The following ROR1 variants were observed in gnomAD, a reference collection of about 807,000 sequenced individuals.
ROR1 encodes the protein ROR family WNT receptor 1.
In ROR1, 19 loss-of-function variants were observed where a neutral mutation model predicts 78.8. The ratio of observed to expected loss-of-function variants is 0.24; its 90% CI spans 0.17 to 0.35. The LOEUF is 0.35. Among genes scored for constraint, ROR1 ranks in the 10% least tolerant of loss-of-function variants. The pLI is 1.00. For synonymous variants in ROR1, 386 were observed against 433.6 expected, an observed-to-expected ratio of 0.89 and a Z score of 1.36; for missense variants, 917 against 1,177.8, an observed-to-expected ratio of 0.78 and a Z score of 3.24.
At chr1:64,152,554 T>A (rs1244077842) in intron 7 of ROR1, among the ~76,000 whole-genome samples, 1 of 152,232 alleles carries the variant, frequency 6.6e-6, no homozygotes, top group Non-Finnish European at 1.5e-5. Context: ...TTATTAGTAA[T>A]CTTTTGTTTG....
chr1:64,057,184 T>G (rs1646881769), intron 4 of ROR1, among the ~76,000 whole-genome samples: 1 of 152,190 alleles, frequency 6.6e-6, no homozygotes. Context: ...TTGTATACAG[T>G]GTGTGAGGTG....
At chr1:63,874,309 CT>C (rs922266244) in intron 1 of ROR1, among the ~76,000 whole-genome samples, 4 of 152,068 alleles carry the variant, frequency 2.6e-5, no homozygotes, top group Admixed American at 2.0e-4. Flanking sequence ...CCATTTAAGA[CT>C]TTTTTTTCCT....
At chr1:63,807,921 C>T (rs768747211) in intron 1 of ROR1, among the ~76,000 whole-genome samples, 9 of 152,124 alleles carry the variant, frequency 5.9e-5, no homozygotes, top group Non-Finnish European at 8.8e-5. Flanking sequence ...GTCTCTCCAA[C>T]ACTGTACCTG....
chr1:64,009,321 C>T lies in ROR1; in HGVS notation c.108C>T (p.Val36=). Residue 36 remains valine, a synonymous_variant, in exon 2 of 9, where the codon GTC becomes GTT. Coordinates refer to ENST00000371079, the MANE Select transcript of ROR1 (RefSeq NM_005012.4). ...TCTTTTCAGAAACAGAGCTGTCAGT[C>T]AGTGCTGAATTAGTGCCTACCTCAT... The part of the protein sequence containing the change: ...GAAAQETELS[V]SAELVPTSSW... 6.2e-7 allele frequency: 1 copy of T among 1,613,230 alleles called. No individual in the cohort carries two copies. Among genetic ancestry groups the T allele is most frequent in the Non-Finnish European group, 8.5e-7 (1 of 1,179,270 alleles).
chr1:64,167,602 C>T (rs952859511), intron 8 of ROR1, among the ~76,000 whole-genome samples: 4 of 152,160 alleles, frequency 2.6e-5, no homozygotes, highest in African/African-American at 9.7e-5. Context: ...TTTCATAATT[C>T]TAACACTGTT....
chr1:64,111,339 C>G (rs892677715), intron 4 of ROR1: 13 of 152,144 alleles, frequency 8.5e-5, no homozygotes, highest in Non-Finnish European at 2.9e-5. Flanking sequence ...TGTGTCTCAG[C>G]CCCCTGCTCC....
At chr1:63,841,549 A>G (rs1645049429) in intron 1 of ROR1, among the ~76,000 whole-genome samples, 1 of 152,218 alleles carries the variant, frequency 6.6e-6, no homozygotes, top group Non-Finnish European at 1.5e-5. Context: ...AAGAGTTTGT[A>G]ATTATTTGTG....
At chr1:64,068,663 C>A (rs148624972) in intron 4 of ROR1, among the ~76,000 whole-genome samples, 13 of 152,218 alleles carry the variant, frequency 8.5e-5, no homozygotes, top group African/African-American at 3.1e-4. Context: ...ATAAGGGAAC[C>A]ATCAGTATTG....
intron 1 of ROR1, among the ~76,000 whole-genome samples, chr1:63,940,100 C>T (rs1645824357): frequency 6.6e-6 from 1 of 152,108 alleles, no homozygotes; most frequent in African/African-American, 2.4e-5. Flanking sequence ...TGTAGTGACT[C>T]ATGAGCCACA....
At chr1:63,929,423 TTC>T (rs143762265) in intron 1 of ROR1, among the ~76,000 whole-genome samples, 33 of 149,618 alleles carry the variant, frequency 2.2e-4, no homozygotes, top group Admixed American at 6.0e-4. Flanking sequence ...AGAGTTTCAG[TTC>T]TCTCTCTCTC....
intron 2 of ROR1, among the ~76,000 whole-genome samples, chr1:64,030,207 G>T (rs1646649426): frequency 6.6e-6 from 1 of 152,136 alleles, no homozygotes. Flanking sequence ...GGAGGCAATT[G>T]GGTGGGTGTA....
intron 1 of ROR1, among the ~76,000 whole-genome samples, chr1:63,882,921 A>G (rs1478225324): frequency 6.7e-6 from 1 of 148,966 alleles, no homozygotes; most frequent in Non-Finnish European, 1.5e-5. Context: ...CCAGAAAGAG[A>G]AAATTAAGGA....
chr1:63,813,011 A>G (rs761964241), intron 1 of ROR1, among the ~76,000 whole-genome samples: 1 of 152,152 alleles, frequency 6.6e-6, no homozygotes, highest in Non-Finnish European at 1.5e-5. Flanking sequence ...TTTTTTAAAT[A>G]AAAGAGACAG....
chr1:63,824,362 A>G lies in ROR1; in HGVS notation c.91+49854A>G, dbSNP rs531803655. Among the ~76,000 whole-genome samples the G allele has an allele frequency of 3.9e-5, 6 of 152,382 alleles. No homozygotes were observed. In the East Asian group the frequency reaches 1.2e-3, roughly 29 times the overall value. On this transcript the variant is annotated intron_variant, in intron 1 of 8. Coordinates refer to ENST00000371079, the MANE Select transcript of ROR1 (RefSeq NM_005012.4). ...TGGCTTTGTTCCAATGAAAATTTAT[A>G]TATAGAAATAAAATTTAAATTTCAT... is the stretch of plus-strand genomic sequence containing the variant.
At chr1:64,101,555 C>A (rs1647544288) in intron 4 of ROR1, among the ~76,000 whole-genome samples, 5 of 152,140 alleles carry the variant, frequency 3.3e-5, no homozygotes, top group Admixed American at 3.3e-4. Flanking sequence ...CTACTGTGAG[C>A]CAGCTCCTGT....
At chr1:63,816,701 G>A (rs1027924762) in intron 1 of ROR1, among the ~76,000 whole-genome samples, 19 of 152,184 alleles carry the variant, frequency 1.2e-4, no homozygotes, top group African/African-American at 3.4e-4. Flanking sequence ...AGGTTGTTGA[G>A]GGAGAAGAGA....
chr1:64,008,592 A>G (rs1483659090), intron 1 of ROR1, among the ~76,000 whole-genome samples: 2 of 152,062 alleles, frequency 1.3e-5, no homozygotes, highest in Non-Finnish European at 2.9e-5. Flanking sequence ...GTGTATTAGC[A>G]TTCCGTTTTC....
rs187575389 is a variant in ROR1, at chr1:64,072,863, A to T, written c.482+22147A>T. Reference sequence around the variant, plus strand: ...ACACAGATCCCAACGTCTGGATTCCACCTCTGCTAGACACCAGCTTGTAGC... The same window carrying T: ...ACACAGATCCCAACGTCTGGATTCCTCCTCTGCTAGACACCAGCTTGTAGC... On this transcript the variant is annotated intron_variant, in intron 4 of 8. Transcript: ENST00000371079. Among the ~76,000 whole-genome samples the T allele has an allele frequency of 7.9e-5, 12 of 152,158 alleles. No individual in the cohort carries two copies. In the East Asian group the frequency reaches 1.7e-3, roughly 22 times the overall value.
chr1:64,081,000 G>A (rs1647097167), intron 4 of ROR1, among the ~76,000 whole-genome samples: 1 of 152,180 alleles, frequency 6.6e-6, no homozygotes, highest in South Asian at 2.1e-4. Flanking sequence ...CTACACCTCT[G>A]TGTCCCAAAT....
Sources: gnomAD v4.1 joint callset for allele counts (sites outside exome capture counted in the v4.1 genomes callset) on GRCh38, gnomAD v4.1.1 for gene constraint, MANE v1.5 for transcripts, NCBI Gene and HGNC (gene_info 2026-07-23, HGNC 2026-07-21) for gene names.